The following TEX48 variants were observed in gnomAD, a reference collection of about 807,000 sequenced individuals.
The protein encoded by TEX48 is testis expressed 48.
A neutral mutation model predicts 13.2 loss-of-function variants in TEX48; 10 were observed. The ratio of observed to expected loss-of-function variants is 0.75; its 90% CI spans 0.47 to 1.28. The LOEUF is 1.28. Ranked by LOEUF, TEX48 falls within the 50% of genes most tolerant of loss-of-function variation. TEX48 has a pLI of 0.00. For missense variants in TEX48, 116 were observed against 139.4 expected (o/e 0.83, Z 0.84); for synonymous variants, 45 against 52.3 (o/e 0.86, Z 0.60).
At chr9:114,676,231 A>G (rs1409976348) in intron 1 of TEX48, among the ~76,000 whole-genome samples, 1 of 152,022 alleles carries the variant, frequency 6.6e-6, no homozygotes. Context: ...TGGCACCATC[A>G]GGGCTCACTC....
chr9:114,681,792 A>T (rs1021785489), intron 1 of TEX48, among the ~76,000 whole-genome samples: 2 of 136,050 alleles, frequency 1.5e-5, no homozygotes, highest in Non-Finnish European at 3.1e-5. Context: ...CAGAAGAAAG[A>T]TGAATGAGGT....
At chr9:114,669,536 G>A (rs960310341) in intron 3 of TEX48, among the ~76,000 whole-genome samples, 10 of 152,002 alleles carry the variant, frequency 6.6e-5, no homozygotes, top group Non-Finnish European at 1.3e-4. Context: ...CCACCTCTCG[G>A]GTTCAAGCGA....
At chr9:114,667,100 G>A (rs1014907871) in intron 4 of TEX48, among the ~76,000 whole-genome samples, 1 of 152,214 alleles carries the variant, frequency 6.6e-6, no homozygotes, top group Non-Finnish European at 1.5e-5. Flanking sequence ...CTATGGGGGG[G>A]TGGGAAGGGC....
intron 1 of TEX48, among the ~76,000 whole-genome samples, chr9:114,674,278 C>T (rs556157895): frequency 7.7e-6 from 1 of 130,496 alleles, no homozygotes; most frequent in East Asian, 2.2e-4. Context: ...TCCTCCAATT[C>T]CCCAATTCCA....
At position 114,679,394 on chromosome 9, in the gene TEX48, A is replaced by G. The variant is rs117246987; in HGVS notation, c.-105+2641T>C. Among the ~76,000 whole-genome samples, 704 of 151,868 alleles carry G rather than the reference A, an allele frequency of 4.6e-3. 9 individuals carry two copies. Among genetic ancestry groups the G allele is most frequent in the East Asian group, 0.017 (89 of 5,176 alleles). On this transcript the variant is annotated intron_variant, in intron 1 of 4. Transcript: ENST00000436752. ...GAGAACACTTGCACTTACTGTATGCAGAAAGGCCATTAGAAGAACTAATGT... is the reference window on the plus strand; with the variant it reads ...GAGAACACTTGCACTTACTGTATGCGGAAAGGCCATTAGAAGAACTAATGT...
intron 1 of TEX48, among the ~76,000 whole-genome samples, chr9:114,678,217 C>T (rs1029188468): frequency 2.6e-5 from 4 of 152,160 alleles, no homozygotes; most frequent in Non-Finnish European, 5.9e-5. Flanking sequence ...CACCTGTTTT[C>T]TTTGCTTCTG....
chr9:114,667,685 G>A (rs1170983731), intron 4 of TEX48, among the ~76,000 whole-genome samples: 2 of 152,110 alleles, frequency 1.3e-5, no homozygotes, highest in Non-Finnish European at 2.9e-5. Context: ...GATCACTTGA[G>A]GTCAGGAGTT....
intron 3 of TEX48, among the ~76,000 whole-genome samples, chr9:114,669,587 A>G (rs1827908382): frequency 6.6e-6 from 1 of 152,088 alleles, no homozygotes; most frequent in Non-Finnish European, 1.5e-5. Context: ...GATTACAGAC[A>G]TGTGCCACCA....
intron 1 of TEX48, among the ~76,000 whole-genome samples, chr9:114,674,456 A>G (rs1289328966): frequency 8.5e-6 from 1 of 117,516 alleles, no homozygotes; most frequent in Non-Finnish European, 1.7e-5. Context: ...TGTATTTAAC[A>G]TTATAACCCC....
At chr9:114,671,290 T>G in intron 3 of TEX48, 93 bp downstream of exon 3, 1 of 1,410,548 alleles carries the variant, frequency 7.1e-7, no homozygotes, top group South Asian at 1.3e-5. Flanking sequence ...TCAGTGATAG[T>G]GATGAAGGCA....
intron 1 of TEX48, among the ~76,000 whole-genome samples, chr9:114,673,346 C>G (rs1827982642): frequency 6.6e-6 from 1 of 151,874 alleles, no homozygotes; most frequent in South Asian, 2.1e-4. Flanking sequence ...TGGCACATGC[C>G]TGTAATCCCA....
At chr9:114,671,596 G>A in intron 2 of TEX48, 91 bp from the exon 3 acceptor site, 1 of 1,523,720 alleles carries the variant, frequency 6.6e-7, no homozygotes, top group Admixed American at 2.0e-5. Flanking sequence ...GTATCATTGG[G>A]TCAGCCTCTC....
At chr9:114,680,017 C>G (rs774987144) in intron 1 of TEX48, among the ~76,000 whole-genome samples, 3 of 151,940 alleles carry the variant, frequency 2.0e-5, no homozygotes, top group Non-Finnish European at 4.4e-5. Context: ...AAAGAAAAAG[C>G]AGCCTGGCTA....
chr9:114,677,246 T>TGTTG lies in TEX48; in HGVS notation c.-105+4788_-105+4789insCAAC, dbSNP rs576398886. Among the ~76,000 whole-genome samples the TGTTG allele has an allele frequency of 6.4e-3, 963 of 151,558 alleles. 30 individuals are homozygous for TGTTG. In the South Asian group the frequency reaches 0.086, roughly 14 times the overall value. ...GCCAGGTGAGGTGTTTTTGTTTGTT[T>TGTTG]GTTTGTTTTTTTGTTTTTCCCTAGA... On this transcript the variant is annotated intron_variant, in intron 1 of 4. Transcript: ENST00000436752.
At position 114,676,320 on chromosome 9, in the gene TEX48, T is replaced by C. The variant is rs111237444; in HGVS notation, c.-104-4493A>G. The stretch of plus-strand genomic sequence containing the variant: ...CTTGGACTACAGGCTCGCACTACCA[T>C]GCCCGGTTATAGTTTTTTTGTTTTT... On this transcript the variant is annotated intron_variant, in intron 1 of 4. Coordinates refer to ENST00000436752, the MANE Select transcript of TEX48 (RefSeq NM_001199233.2). Among the ~76,000 whole-genome samples the C allele has an allele frequency of 2.3e-3, 344 of 151,286 alleles. 1 individual carries two copies. The highest frequency in any genetic ancestry group is 8.1e-3 in the African/African-American group (334 of 41,266).
intron 1 of TEX48, among the ~76,000 whole-genome samples, chr9:114,674,644 TC>T (rs1190341055): frequency 0.033 from 4,440 of 134,996 alleles, 460 homozygotes; most frequent in African/African-American, 0.096. Context: ...CTTCCTTCCT[TC>T]CTTCCTTCCT....
intron 1 of TEX48, among the ~76,000 whole-genome samples, chr9:114,679,519 G>A (rs895429455): frequency 1.3e-5 from 2 of 152,008 alleles, no homozygotes; most frequent in Non-Finnish European, 2.9e-5. Flanking sequence ...ACTCCCAAAG[G>A]GCATTGTCTA....
intron 1 of TEX48, among the ~76,000 whole-genome samples, chr9:114,680,120 C>CTTTTTTTTT (rs2079145442): frequency 5.8e-5 from 3 of 52,124 alleles, no homozygotes; most frequent in Non-Finnish European, 7.5e-5. Context: ...TGTCATTGTC[C>CTTTTTTTTT]CTTTTTTTTT....
At chr9:114,670,959 T>C (rs184547284) in intron 3 of TEX48, among the ~76,000 whole-genome samples, 129 of 152,300 alleles carry the variant, frequency 8.5e-4, no homozygotes, top group African/African-American at 2.9e-3. Flanking sequence ...TTGCCCAATT[T>C]CTGTGGCAGA....
Sources: allele counts gnomAD v4.1 joint callset (sites outside exome capture counted in the v4.1 genomes callset), GRCh38; gene constraint gnomAD v4.1.1; transcripts MANE v1.5; gene names NCBI Gene and HGNC (gene_info 2026-07-23, HGNC 2026-07-21).